RHOU: variants seen among roughly 807,000 people sequenced by gnomAD.
The protein encoded by RHOU is ras homolog family member U.
Under a neutral mutation model 12.6 loss-of-function variants are expected in RHOU, and 8 were observed. The ratio of observed to expected loss-of-function variants is 0.64; its 90% confidence interval spans 0.37 to 1.15. The LOEUF (loss-of-function observed/expected upper bound fraction) is 1.15. Among genes scored for constraint, RHOU ranks in the 50% most tolerant of loss-of-function variants. RHOU has a pLI of 0.01. For missense variants in RHOU, 258 were observed against 347.0 expected, an observed-to-expected ratio of 0.74 and a Z score of 2.04; for synonymous variants, 161 against 147.4, an observed-to-expected ratio of 1.09 and a Z score of -0.67.
Position 228,744,924 on chromosome 1 carries a change from A to G in RHOU, c.*1184A>G, listed in dbSNP as rs1254775932. 3.9e-5 allele frequency: 6 copies of G among 152,206 alleles called. No homozygotes were observed. Among genetic ancestry groups the G allele is most frequent in the Non-Finnish European group, 7.3e-5 (5 of 68,038 alleles). The allele number at this position is 152,206 out of a possible 1,614,324, so 9.4% of individuals were successfully genotyped here. A position where few individuals can be genotyped will look rare whatever the true frequency, so the allele number is the denominator to read the frequency against. ...ACATCTTTTTTATTATATTCAGAGT[A>G]TGTTTTTAAGTGTATCTTAATATAT... On this transcript the variant is annotated 3_prime_UTR_variant, in exon 3 of 3. Coordinates refer to ENST00000366691, the MANE Select transcript of RHOU (RefSeq NM_021205.6).
At chr1:228,702,619 G>A in the RHOU span, among the ~76,000 whole-genome samples, 6 of 152,122 alleles carry the variant, frequency 3.9e-5, no homozygotes, top group Non-Finnish European at 7.4e-5. Flanking sequence ...CATAACAGAA[G>A]CAGAAGTTTT....
chr1:228,737,570 C>CA lies in RHOU; in HGVS notation c.263-100dup. ...TTCATTAGAGGACCTAAAATAGGAG[C>CA]AAAGGGGTTTGGAGTGAGAATGATA... On this transcript the variant is annotated intron_variant, in intron 1 of 2. Transcript: ENST00000366691. This position sits in a 1 kb window ranked among gnomAD's most constrained non-coding sequence, Gnocchi z 4.1. 8.8e-7 allele frequency: 1 copy of CA among 1,142,700 alleles called. No individual in the cohort carries two copies. The highest frequency in any genetic ancestry group is 1.3e-6 in the Non-Finnish European group (1 of 760,564). The allele number at this position is 1,142,700 out of a possible 1,614,324, so 70.8% of individuals were successfully genotyped here.
At chr1:228,650,569 C>T in the RHOU span, 1 of 456,038 alleles carries the variant, frequency 2.2e-6, no homozygotes. Context: ...CCTCACCTCA[C>T]TGCTCGCCTG....
chr1:228,646,586 G>A, the RHOU span, among the ~76,000 whole-genome samples: 2 of 127,406 alleles, frequency 1.6e-5, no homozygotes, highest in African/African-American at 6.1e-5. Flanking sequence ...AGACCCGGCC[G>A]GGGGGGCAAG....
the RHOU span, among the ~76,000 whole-genome samples, chr1:228,665,882 G>A: frequency 6.6e-6 from 1 of 152,070 alleles, no homozygotes; most frequent in Non-Finnish European, 1.5e-5. Flanking sequence ...GCCCCAAGAT[G>A]TCAAAGCATC....
chr1:228,682,229 A>T, the RHOU span, among the ~76,000 whole-genome samples: 1 of 152,184 alleles, frequency 6.6e-6, no homozygotes, highest in African/African-American at 2.4e-5. Context: ...AATTGGTGAG[A>T]TATTCCTTGG....
the RHOU span, among the ~76,000 whole-genome samples, chr1:228,686,554 A>G: frequency 6.6e-6 from 1 of 152,208 alleles, no homozygotes; most frequent in East Asian, 1.9e-4. Context: ...ACACCATGAG[A>G]CAACTGATAT....
At chr1:228,717,036 A>G in the RHOU span, among the ~76,000 whole-genome samples, 2 of 152,304 alleles carry the variant, frequency 1.3e-5, no homozygotes, top group East Asian at 3.9e-4. Context: ...CTGAAATGAC[A>G]CTGGCTGCTG....
At chr1:228,686,663 T>G in the RHOU span, among the ~76,000 whole-genome samples, 2 of 152,176 alleles carry the variant, frequency 1.3e-5, no homozygotes, top group Non-Finnish European at 2.9e-5. Flanking sequence ...TTTTTAAAGG[T>G]CTGGTCTGGC....
the RHOU span, among the ~76,000 whole-genome samples, chr1:228,651,790 T>C: frequency 6.6e-6 from 1 of 152,258 alleles, no homozygotes; most frequent in Non-Finnish European, 1.5e-5. Flanking sequence ...TTCCACCTTA[T>C]TTTTCAAACT....
chr1:228,721,109 C>T, the RHOU span, among the ~76,000 whole-genome samples: 380 of 152,302 alleles, frequency 2.5e-3, 1 homozygote, highest in African/African-American at 8.9e-3. Flanking sequence ...TGAGACCAGC[C>T]TGGCCAACAT....
the RHOU span, among the ~76,000 whole-genome samples, chr1:228,692,822 A>G: frequency 6.6e-6 from 1 of 152,120 alleles, no homozygotes; most frequent in South Asian, 2.1e-4. Flanking sequence ...CAAAACTTCA[A>G]ATAAAGCAAT....
the RHOU span, among the ~76,000 whole-genome samples, chr1:228,694,098 C>G: frequency 6.6e-6 from 1 of 152,160 alleles, no homozygotes; most frequent in Admixed American, 6.5e-5. Context: ...ACAGACATTT[C>G]TTTCCATAAA....
At chr1:228,656,961 G>A in the RHOU span, among the ~76,000 whole-genome samples, 2 of 152,006 alleles carry the variant, frequency 1.3e-5, no homozygotes, top group South Asian at 2.1e-4. Context: ...TAAAAACCAC[G>A]AATAGGATGA....
chr1:228,707,261 T>TATATA, the RHOU span, among the ~76,000 whole-genome samples: 1 of 75,762 alleles, frequency 1.3e-5, no homozygotes, highest in African/African-American at 1.1e-4. Context: ...ATATAGTGTG[T>TATATA]GTGTGTGTGT....
At chr1:228,702,877 C>T in the RHOU span, among the ~76,000 whole-genome samples, 1 of 152,072 alleles carries the variant, frequency 6.6e-6, no homozygotes, top group Non-Finnish European at 1.5e-5. Context: ...TTTTCTTTTC[C>T]CCATTCATAC....
the RHOU span, among the ~76,000 whole-genome samples, chr1:228,703,077 C>T: frequency 3.9e-5 from 6 of 152,040 alleles, no homozygotes; most frequent in African/African-American, 7.3e-5. Flanking sequence ...CATAAAGATC[C>T]GGTTAAGGCA....
At chr1:228,649,033 T>G in the RHOU span, among the ~76,000 whole-genome samples, 1 of 152,188 alleles carries the variant, frequency 6.6e-6, no homozygotes, top group Admixed American at 6.5e-5. Flanking sequence ...CCTGGCTAGT[T>G]TTTGTATTTT....
upstream of RHOU, among the ~76,000 whole-genome samples, chr1:228,730,927 A>T (rs531324326): frequency 6.6e-6 from 1 of 152,374 alleles, no homozygotes; most frequent in Admixed American, 6.5e-5. Context: ...TATGTTGAGC[A>T]GATAAAAATT....
Sources: gnomAD v4.1 joint callset for allele counts (sites outside exome capture counted in the v4.1 genomes callset) on GRCh38, gnomAD v4.1.1 for gene constraint, Gnocchi (gnomAD v3.1) non-coding constraint, MANE v1.5 for transcripts, NCBI Gene and HGNC (gene_info 2026-07-23, HGNC 2026-07-21) for gene names.